Variants in PLCL1 observed in about 807,000 individuals in gnomAD.
PLCL1 encodes phospholipase C like 1 (inactive).
In PLCL1, 41 loss-of-function variants were observed where a neutral mutation model predicts 84.4. That is an observed-to-expected ratio of 0.49 (90% CI 0.38 to 0.63). PLCL1 has a LOEUF of 0.63. Ranked by LOEUF, PLCL1 falls within the 30% of genes least tolerant of loss-of-function variation. The pLI is 0.00. For missense variants in PLCL1, 1,206 were observed against 1,367.8 expected, an observed-to-expected ratio of 0.88 and a Z score of 1.87; for synonymous variants, 490 against 488.3, an observed-to-expected ratio of 1.00 and a Z score of -0.05.
intron 5 of PLCL1, among the ~76,000 whole-genome samples, chr2:198,141,624 G>A (rs1002683348): frequency 3.3e-5 from 5 of 152,148 alleles, no homozygotes; most frequent in Admixed American, 6.6e-5. Flanking sequence ...CCAACGGATG[G>A]TTTTTGAATT....
At position 198,123,140 on chromosome 2, in the gene PLCL1, A is replaced by T. The variant is rs572276015; in HGVS notation, c.3105+19204A>T. Among the ~76,000 whole-genome samples, 4 of 152,248 alleles carry T rather than the reference A, an allele frequency of 2.6e-5. No homozygotes were observed. In the East Asian group the frequency reaches 7.7e-4, roughly 29 times the overall value. On this transcript the variant is annotated intron_variant, in intron 5 of 5. Transcript: ENST00000428675. Reference sequence around the variant, plus strand: ...CAATTAAACTCCTGAACTTGTAAATATATAAAAGCAGAGAGATAGATGCTC... The same window carrying T: ...CAATTAAACTCCTGAACTTGTAAATTTATAAAAGCAGAGAGATAGATGCTC...
rs373332521 is a variant in PLCL1 at position 198,078,022 on chromosome 2, T to G, written c.241-5736T>G. Among the ~76,000 whole-genome samples, 35 of 152,304 alleles carry G rather than the reference T, an allele frequency of 2.3e-4. 1 individual carries two copies. The highest frequency in any genetic ancestry group is 8.2e-4 in the African/African-American group (34 of 41,568). On this transcript the variant is annotated intron_variant, in intron 1 of 5. Transcript: ENST00000428675. Reference sequence around the variant, plus strand: ...TATTAGGATACCTTCCTAATCTACCTAATACCTTCATCCTTTTTATTAGGA... The same window carrying G: ...TATTAGGATACCTTCCTAATCTACCGAATACCTTCATCCTTTTTATTAGGA...
intron 1 of PLCL1, among the ~76,000 whole-genome samples, chr2:197,846,557 C>G (rs2105675984): frequency 6.6e-6 from 1 of 152,090 alleles, no homozygotes; most frequent in African/African-American, 2.4e-5. Context: ...TTATTGAGGA[C>G]CTACTGTGGT....
intron 1 of PLCL1, among the ~76,000 whole-genome samples, chr2:197,888,137 G>A (rs910536855): frequency 6.6e-6 from 1 of 151,712 alleles, no homozygotes; most frequent in Non-Finnish European, 1.5e-5. Context: ...TCATTTAATT[G>A]AGATTGAGCA....
At chr2:197,884,093 A>G (rs753540156) in intron 1 of PLCL1, among the ~76,000 whole-genome samples, 10 of 152,218 alleles carry the variant, frequency 6.6e-5, no homozygotes, top group Non-Finnish European at 1.3e-4. Context: ...TAGATATATC[A>G]ATCTATCTTT....
At chr2:198,140,864 G>A (rs1181544841) in intron 5 of PLCL1, among the ~76,000 whole-genome samples, 1 of 152,042 alleles carries the variant, frequency 6.6e-6, no homozygotes, top group Non-Finnish European at 1.5e-5. Flanking sequence ...GTTTTCAGAA[G>A]TATTCAATTA....
chr2:197,917,895 A>G (rs1395159829), intron 1 of PLCL1, among the ~76,000 whole-genome samples: 1 of 152,214 alleles, frequency 6.6e-6, no homozygotes, highest in Non-Finnish European at 1.5e-5. Flanking sequence ...AATGGCCAAC[A>G]CTGGAACTGT....
chr2:197,930,421 C>A (rs573878096), intron 1 of PLCL1, among the ~76,000 whole-genome samples: 114 of 152,226 alleles, frequency 7.5e-4, no homozygotes, highest in African/African-American at 2.7e-3. Flanking sequence ...GGTGAAATGT[C>A]TTGAGGGAAA....
chr2:198,022,090 C>A (rs1691146312), intron 1 of PLCL1, among the ~76,000 whole-genome samples: 1 of 152,164 alleles, frequency 6.6e-6, no homozygotes, highest in African/African-American at 2.4e-5. Context: ...ATACACAAAT[C>A]AATTAACGTA....
intron 1 of PLCL1, among the ~76,000 whole-genome samples, chr2:198,015,017 T>C (rs1047185008): frequency 2.6e-5 from 4 of 152,188 alleles, no homozygotes; most frequent in Non-Finnish European, 4.4e-5. Flanking sequence ...TTTGTTTTAA[T>C]GTTTAAAAAC....
chr2:197,926,344 A>G (rs769854127), intron 1 of PLCL1, among the ~76,000 whole-genome samples: 1 of 152,148 alleles, frequency 6.6e-6, no homozygotes, highest in Non-Finnish European at 1.5e-5. Flanking sequence ...TTGCACTGCC[A>G]TTTTACCTCT....
intron 1 of PLCL1, among the ~76,000 whole-genome samples, chr2:198,008,916 T>A (rs777630339): frequency 9.2e-5 from 14 of 152,022 alleles, no homozygotes; most frequent in Non-Finnish European, 1.5e-4. Context: ...TGAGGTGATA[T>A]TTCATTGTGG....
At chr2:197,973,023 C>A (rs1689902307) in intron 1 of PLCL1, among the ~76,000 whole-genome samples, 1 of 152,178 alleles carries the variant, frequency 6.6e-6, no homozygotes, top group South Asian at 2.1e-4. Context: ...ATATTCTCCC[C>A]CTGGCAAGGA....
intron 5 of PLCL1, among the ~76,000 whole-genome samples, chr2:198,111,811 ATAATAG>A (rs1236821980): frequency 6.6e-6 from 1 of 151,910 alleles, no homozygotes; most frequent in Admixed American, 6.6e-5. Context: ...TGACAGCACC[ATAATAG>A]TAATGGTTTG....
At chr2:197,916,449 A>C (rs1688601962) in intron 1 of PLCL1, among the ~76,000 whole-genome samples, 1 of 152,174 alleles carries the variant, frequency 6.6e-6, no homozygotes, top group Non-Finnish European at 1.5e-5. Flanking sequence ...TCATTTATAA[A>C]ACAGAGATAC....
intron 1 of PLCL1, among the ~76,000 whole-genome samples, chr2:198,002,653 T>C (rs1690629924): frequency 6.6e-6 from 1 of 152,218 alleles, no homozygotes; most frequent in Non-Finnish European, 1.5e-5. Flanking sequence ...AAGATTCTTA[T>C]GCATATAAAC....
chr2:197,833,071 C>T (rs112785463), intron 1 of PLCL1, among the ~76,000 whole-genome samples: 3,221 of 152,266 alleles, frequency 0.021, 45 homozygotes, highest in Non-Finnish European at 0.032. Context: ...GGCATGGTGA[C>T]ATGTGCCTGG....
At chr2:197,936,506 T>A (rs1025781515) in intron 1 of PLCL1, among the ~76,000 whole-genome samples, 1 of 152,254 alleles carries the variant, frequency 6.6e-6, no homozygotes, top group Non-Finnish European at 1.5e-5. Flanking sequence ...TGATTAGTGA[T>A]GTTGAACATG....
chr2:197,967,224 T>A (rs1190091349), intron 1 of PLCL1, among the ~76,000 whole-genome samples: 4 of 151,986 alleles, frequency 2.6e-5, no homozygotes. Flanking sequence ...TGGAATGGAG[T>A]CTTGCTCTGT....
Sources: gnomAD v4.1 joint callset for allele counts (sites outside exome capture counted in the v4.1 genomes callset) on GRCh38, gnomAD v4.1.1 for gene constraint, MANE v1.5 for transcripts, NCBI Gene and HGNC (gene_info 2026-07-23, HGNC 2026-07-21) for gene names.